The following MYEF2 variants were observed in gnomAD, a reference collection of about 807,000 sequenced individuals.
The protein encoded by MYEF2 is myelin expression factor 2.
In MYEF2, 37 loss-of-function variants were observed where a neutral mutation model predicts 75.2. The observed-to-expected ratio is 0.49, with a 90% CI of 0.38 to 0.65. The LOEUF is 0.65. Ranked by LOEUF, MYEF2 falls within the 30% of genes least tolerant of loss-of-function variation. The pLI is 0.00. For synonymous variants in MYEF2, 195 were observed against 241.6 expected, an observed-to-expected ratio of 0.81 and a Z score of 1.79; for missense variants, 634 against 771.4, an observed-to-expected ratio of 0.82 and a Z score of 2.11.
chr15:48,152,374 C>G, intron 10 of MYEF2, 90 bp from the exon 11 acceptor site: 1 of 1,063,210 alleles, frequency 9.4e-7, no homozygotes, highest in Non-Finnish European at 1.4e-6. Context: ...ATAGATACCA[C>G]TGGTATAACC....
chr15:48,175,995 T>C (rs1298818348), intron 1 of MYEF2, among the ~76,000 whole-genome samples: 1 of 152,072 alleles, frequency 6.6e-6, no homozygotes, highest in African/African-American at 2.4e-5. Context: ...GAATAAGACA[T>C]AGTGGTCTCC....
chr15:48,150,499 A>G lies in MYEF2; in HGVS notation c.1378+601T>C, dbSNP rs1416798176. Among the ~76,000 whole-genome samples the G allele has an allele frequency of 5.9e-5, 9 of 152,014 alleles. 1 individual carries two copies. The Middle Eastern group carries it at 9.5e-3, about 160-fold the overall frequency. Reference sequence around the variant, plus strand: ...TAAGCAAAAGAGGTTAAAAAAATAAATAAATAATCCATGTATTCAGGCTTA... The same window carrying G: ...TAAGCAAAAGAGGTTAAAAAAATAAGTAAATAATCCATGTATTCAGGCTTA... On this transcript the variant is annotated intron_variant, in intron 14 of 16. Transcript: ENST00000324324.
chr15:48,172,178 T>C (rs560832375), intron 1 of MYEF2, among the ~76,000 whole-genome samples: 9 of 152,134 alleles, frequency 5.9e-5, no homozygotes, highest in African/African-American at 1.9e-4. Context: ...GGCAGGTGGG[T>C]GACTTGAGGT....
Position 48,136,057 on chromosome 15 carries a change from G to A in MYEF2, c.*6851C>T, listed in dbSNP as rs2140737109. 6.6e-6 allele frequency: 1 copy of A among 152,248 alleles called. No individual in the cohort carries two copies. The highest frequency in any genetic ancestry group is 3.4e-3 in the Middle Eastern group (1 of 294). 9.4% of individuals were successfully genotyped at this position (152,248 alleles called of 1,614,324 possible). ...GCATTAGCTAACTGCCAGAGTACAG[G>A]GAAACAGTTCTTGGTTCCAAGGGTA... On this transcript the variant is annotated 3_prime_UTR_variant, in exon 17 of 17. Coordinates refer to ENST00000324324, the MANE Select transcript of MYEF2 (RefSeq NM_016132.5).
intron 2 of MYEF2, among the ~76,000 whole-genome samples, chr15:48,167,643 A>G (rs183423923): frequency 8.1e-4 from 124 of 152,210 alleles, no homozygotes; most frequent in African/African-American, 2.9e-3. Flanking sequence ...CATACTACAG[A>G]TCATATTTTG....
chr15:48,139,112 TTCATG>T lies in MYEF2; in HGVS notation c.*3791_*3795del. On this transcript the variant is annotated 3_prime_UTR_variant, in exon 17 of 17. Coordinates refer to ENST00000324324, the MANE Select transcript of MYEF2 (RefSeq NM_016132.5). ...GAAAAACTACTTTGTGATAACCTTT[TTCATG>T]TCTGCAATATGGATATCCGCATTTA... 1.2e-6 allele frequency: 2 copies of T among 1,613,200 alleles called. No homozygotes were observed. The highest frequency in any genetic ancestry group is 1.7e-6 in the Non-Finnish European group (2 of 1,179,390).
At chr15:48,153,572 T>TACA (rs1278561371) in intron 10 of MYEF2, 1 of 472,886 alleles carries the variant, frequency 2.1e-6, no homozygotes, top group East Asian at 3.4e-5. Flanking sequence ...AAAGGCTAGC[T>TACA]ACAACATAGC....
intron 6 of MYEF2, 106 bp from the exon 7 acceptor site, chr15:48,159,028 C>G: frequency 1.1e-6 from 1 of 944,136 alleles, no homozygotes; most frequent in Non-Finnish European, 1.6e-6. Context: ...AACCATAATT[C>G]TAGTTCAACA....
rs537540221 is a variant in MYEF2, at chr15:48,141,355, G to A, written c.*1553C>T. 11 of 567,296 alleles carry A rather than the reference G, an allele frequency of 1.9e-5. 1 individual carries two copies. The highest frequency in any genetic ancestry group is 7.6e-4 in the Middle Eastern group (2 of 2,616). 35.1% of individuals were successfully genotyped at this position (567,296 alleles called of 1,614,324 possible). On this transcript the variant is annotated 3_prime_UTR_variant, in exon 17 of 17. Coordinates refer to ENST00000324324, the MANE Select transcript of MYEF2 (RefSeq NM_016132.5). Reference sequence around the variant, plus strand: ...GGATTTTGGGAGGCCGAGGCGGGTGGATCACGAGGTCAGGAGTTTGAGACC... The same window carrying A: ...GGATTTTGGGAGGCCGAGGCGGGTGAATCACGAGGTCAGGAGTTTGAGACC...
At position 48,140,518 on chromosome 15, in the gene MYEF2, T is replaced by C. The variant is rs2039033420; in HGVS notation, c.*2390A>G. 1.3e-5 allele frequency: 2 copies of C among 152,122 alleles called. No individual in the cohort carries two copies. 9.4% of individuals were successfully genotyped at this position (152,122 alleles called of 1,614,324 possible). A position where few individuals can be genotyped will look rare whatever the true frequency, so the allele number is the denominator to read the frequency against. On this transcript the variant is annotated 3_prime_UTR_variant, in exon 17 of 17. Transcript: ENST00000324324. Reference sequence around the variant, plus strand: ...ATTTCTGAAAAATGTTGACCTGACATCAAATTTAACAGAAGTATTAATAAA... The same window carrying C: ...ATTTCTGAAAAATGTTGACCTGACACCAAATTTAACAGAAGTATTAATAAA...
intron 1 of MYEF2, among the ~76,000 whole-genome samples, chr15:48,170,966 G>C (rs2040315905): frequency 6.6e-6 from 1 of 152,010 alleles, no homozygotes; most frequent in African/African-American, 2.4e-5. Flanking sequence ...ATTTTTTTTA[G>C]ACCTTAAAAA....
At chr15:48,162,489 A>G (rs199875674) in intron 5 of MYEF2, among the ~76,000 whole-genome samples, 2 of 152,226 alleles carry the variant, frequency 1.3e-5, no homozygotes, top group East Asian at 1.9e-4. Flanking sequence ...ATGCCAGAAC[A>G]TAAGTTCTTT....
intron 16 of MYEF2, among the ~76,000 whole-genome samples, chr15:48,147,445 T>C (rs974309946): frequency 7.2e-5 from 11 of 151,958 alleles, no homozygotes; most frequent in Non-Finnish European, 1.0e-4. Flanking sequence ...TGGAGATTTT[T>C]TTTTTCACTC....
At chr15:48,155,969 G>C (rs1286599363) in intron 9 of MYEF2, among the ~76,000 whole-genome samples, 1 of 151,554 alleles carries the variant, frequency 6.6e-6, no homozygotes, top group Non-Finnish European at 1.5e-5. Flanking sequence ...GTAGAGACGG[G>C]GTTTCACCAT....
In MYEF2 at chr15:48,151,502, C is replaced by A. The variant is rs2470103; in HGVS notation, c.1277G>T (p.Arg426Leu). Residue 426 changes from arginine to leucine, a missense_variant, in exon 13 of 17, where the codon CGA becomes CTA. Transcript: ENST00000324324. ...TCTACCAAAGGAATCTCCAAAGCCT[C>A]GATTTATTCCAATATCACCACGTCC... ...DFGRGDIGINRGFGDSFGRLG... is the reference protein window; with the variant it reads ...DFGRGDIGINLGFGDSFGRLG... The A allele has an allele frequency of 1.2e-6, 2 of 1,612,872 alleles. No homozygotes were observed. The highest frequency in any genetic ancestry group is 1.1e-5 in the South Asian group (1 of 91,062).
In MYEF2 at chr15:48,178,151, C is replaced by A. The variant is rs551686800; in HGVS notation, c.87G>T (p.Pro29=). Residue 29 remains proline, a synonymous_variant, in exon 1 of 17, where the codon CCG becomes CCT. Coordinates refer to ENST00000324324, the MANE Select transcript of MYEF2 (RefSeq NM_016132.5). ...CCTCCGCGGGGTGCGGCTCTCGCCG[C>A]GGCTCGCCCGGCGGCTCTGCGGGCT... The part of the protein sequence containing the change: ...HLQPAEPPGE[P]RREPHPAEAE... The A allele has an allele frequency of 5.1e-6, 8 of 1,564,626 alleles. No homozygotes were observed. In the Admixed American group the frequency reaches 1.5e-4, roughly 29 times the overall value.
chr15:48,160,505 A>ACACC (rs2039899364), intron 5 of MYEF2, among the ~76,000 whole-genome samples: 1 of 151,876 alleles, frequency 6.6e-6, no homozygotes, highest in South Asian at 2.1e-4. Flanking sequence ...ACACACACAC[A>ACACC]CACACACACA....
chr15:48,142,634 A>T lies in MYEF2; in HGVS notation c.*274T>A. The T allele has an allele frequency of 2.2e-6, 1 of 449,128 alleles. No homozygotes were observed. Among genetic ancestry groups the T allele is most frequent in the South Asian group, 4.5e-5 (1 of 22,310 alleles). 27.8% of individuals were successfully genotyped at this position (449,128 alleles called of 1,614,324 possible). On this transcript the variant is annotated 3_prime_UTR_variant, in exon 17 of 17. Transcript: ENST00000324324. ...CTAGAACAAACAAATCCAACTATGT[A>T]GTACTGAAAACAACAAGAAAATGGC...
intron 1 of MYEF2, among the ~76,000 whole-genome samples, chr15:48,174,359 A>G (rs776452375): frequency 2.7e-5 from 4 of 149,690 alleles, no homozygotes; most frequent in Non-Finnish European, 5.9e-5. Context: ...AAAACACAAG[A>G]GAAAAGCTCC....
Sources: gnomAD v4.1 joint callset for allele counts (sites outside exome capture counted in the v4.1 genomes callset) on GRCh38, gnomAD v4.1.1 for gene constraint, MANE v1.5 for transcripts, NCBI Gene and HGNC (gene_info 2026-07-23, HGNC 2026-07-21) for gene names.